The following DGKQ variants were observed in gnomAD, a reference collection of about 807,000 sequenced individuals.
DGKQ encodes the protein DAG kinase theta.
DGKQ carries 97 observed loss-of-function variants against 104.2 expected under a neutral mutation model. That is an observed-to-expected ratio of 0.93 (90% CI 0.79 to 1.10). The LOEUF is 1.10. Among genes scored for constraint, DGKQ ranks in the 50% least tolerant of loss-of-function variants. The pLI, the probability that DGKQ is intolerant of heterozygous loss-of-function variation, is 0.00. For synonymous variants in DGKQ, 736 were observed against 595.2 expected (o/e 1.24, Z -3.44); for missense variants, 1,465 against 1,352.1 (o/e 1.08, Z -1.31).
At position 968,379 on chromosome 4, in the gene DGKQ, C is replaced by G. The variant is rs778262598; in HGVS notation, c.566G>C (p.Gly189Ala). The G allele has an allele frequency of 1.1e-4, 177 of 1,561,484 alleles. No homozygotes were observed. The highest frequency in any genetic ancestry group is 1.5e-4 in the Non-Finnish European group (169 of 1,155,742). ...HDTHHHHWRE[G>A]NLPSGARCEV... ...GCAGCGCGCTCCCGAGGGCAGGTTC[C>G]CCTCCCGCCAGTGGTGGTGATGGGT... Residue 189 changes from glycine to alanine, a missense_variant, in exon 5 of 23, where the codon GGG becomes GCG. Physicochemically the swap from Gly to Ala is moderately conservative, Grantham distance 60 (BLOSUM62 0). Coordinates refer to ENST00000273814, the MANE Select transcript of DGKQ (RefSeq NM_001347.4).
intron 18 of DGKQ, 147 bp downstream of exon 18, chr4:962,288 G>A (rs1711941970): frequency 1.0e-6 from 1 of 974,268 alleles, no homozygotes; most frequent in Non-Finnish European, 1.5e-6. Flanking sequence ...GCTACTTTCT[G>A]TGTCTCCCTC....
intron 2 of DGKQ, among the ~76,000 whole-genome samples, chr4:969,830 C>G: frequency 6.6e-6 from 1 of 152,150 alleles, no homozygotes; most frequent in East Asian, 1.9e-4. Flanking sequence ...CCAGGATGGT[C>G]TCGATCTCCT....
intron 12 of DGKQ, 112 bp from the exon 13 acceptor site, chr4:966,190 G>A (rs1223947754): frequency 2.4e-5 from 28 of 1,171,106 alleles, no homozygotes; most frequent in East Asian, 5.2e-5. Flanking sequence ...ACACTCCCAG[G>A]AATTAAGTCA....
In DGKQ at chr4:967,133, G is replaced by A. The variant is rs1283091565; in HGVS notation, c.1216C>T (p.Leu406Phe). 6 of 1,586,054 alleles carry A rather than the reference G, an allele frequency of 3.8e-6. No individual in the cohort carries two copies. The African/African-American group carries it at 5.4e-5, about 14-fold the overall frequency. The change falls in exon 9 of 23, where the codon CTC becomes TTC. Residue 406 changes from leucine to phenylalanine, a missense_variant. Leu to Phe is a conservative substitution (Grantham distance 22). Transcript: ENST00000273814. ...GAGCCTCGGGCCCAGTCTCACTTGA[G>A]CCAGCCAGGGTAGATCTTCAGGACC... is the stretch of plus-strand genomic sequence containing the variant. ...QEVLKIYPGW[L>F]KVGVAYVSVR...
At chr4:966,303 T>C in intron 12 of DGKQ, 163 bp downstream of exon 12, 1 of 875,858 alleles carries the variant, frequency 1.1e-6, no homozygotes, top group African/African-American at 1.7e-5. Context: ...GAGGCCTCCC[T>C]GCAGGGACCA....
rs765941176 is a variant in DGKQ at position 963,131 on chromosome 4, G to A, written c.1886+8C>T. The A allele has an allele frequency of 2.5e-6, 4 of 1,591,080 alleles. No homozygotes were observed. In the South Asian group the frequency reaches 4.4e-5, roughly 18 times the overall value. The stretch of plus-strand genomic sequence containing the variant: ...GCTGCCCTGGACCAGGGGTCCTGCT[G>A]GACTCACCCGGGAAGAGGACCTCCG... On this transcript the variant is annotated splice_region_variant and intron_variant, in intron 16 of 22. Coordinates refer to ENST00000273814, the MANE Select transcript of DGKQ (RefSeq NM_001347.4).
At chr4:969,439 G>C (rs1434692147) in intron 2 of DGKQ, among the ~76,000 whole-genome samples, 6 of 152,228 alleles carry the variant, frequency 3.9e-5, no homozygotes, top group Admixed American at 2.6e-4. Flanking sequence ...CTGGGCTGTT[G>C]CTTTTCCACG....
rs747667791 is a variant in DGKQ, at chr4:967,866, G to A, written c.811+14C>T. On this transcript the variant is annotated intron_variant, in intron 6 of 22. Coordinates refer to ENST00000273814, the MANE Select transcript of DGKQ (RefSeq NM_001347.4). ...GCCCCCAGCCCAGGGCGCCCCGGCC[G>A]GCCCGCACCTCACCCGGCTCCGCGG... 3 of 1,466,602 alleles carry A rather than the reference G, an allele frequency of 2.0e-6. No individual in the cohort carries two copies. The highest frequency in any genetic ancestry group is 2.6e-5 in the Admixed American group (1 of 38,860). 90.8% of individuals were successfully genotyped at this position (1,466,602 alleles called of 1,614,324 possible). A position where few individuals can be genotyped will look rare whatever the true frequency, so the allele number is the denominator to read the frequency against.
In DGKQ at chr4:968,515, G is replaced by A; in HGVS notation, c.501C>T (p.Asp167=). ...GCCCATCCTGGTGGCACTGGCGGCA[G>A]TCACTGCAGGCGAAGGGCACACAGT... The part of the protein sequence containing the change: ...HPDCVPFACS[D]CRQCHQDGHQ... Residue 167 remains aspartate (D), a synonymous_variant, in exon 4 of 23, where the codon GAC becomes GAT. Coordinates refer to ENST00000273814, the MANE Select transcript of DGKQ (RefSeq NM_001347.4). 4 of 1,609,320 alleles carry A rather than the reference G, an allele frequency of 2.5e-6. No homozygotes were observed. Among genetic ancestry groups the A allele is most frequent in the South Asian group, 2.2e-5 (2 of 90,602 alleles).
Position 967,956 on chromosome 4 carries a change from A to G in DGKQ, c.735T>C (p.Pro245=). Residue 245 remains proline (P), a synonymous_variant, in exon 6 of 23, where the codon CCT becomes CCC. Coordinates refer to ENST00000273814, the MANE Select transcript of DGKQ (RefSeq NM_001347.4). The stretch of plus-strand genomic sequence containing the variant: ...CGGGCAGAAGGCGCACGCACGCGGG[A>G]GGCAGGACCAGGGAGCGCAGACGCC... ...GFGRLRSLVL[P]PACVRLLPGG... 6.7e-7 allele frequency: 1 copy of G among 1,485,954 alleles called. No homozygotes were observed. Among genetic ancestry groups the G allele is most frequent in the Non-Finnish European group, 8.9e-7 (1 of 1,126,254 alleles). The allele number at this position is 1,485,954 out of a possible 1,614,324, so 92.0% of individuals were successfully genotyped here.
Position 967,884 on chromosome 4 carries a change from C to T in DGKQ, c.807G>A (p.Glu269=), listed in dbSNP as rs775919607. The T allele has an allele frequency of 6.2e-6, 9 of 1,451,018 alleles. No individual in the cohort carries two copies. In the African/African-American group the frequency reaches 1.2e-4, roughly 19 times the overall value. The allele number at this position is 1,451,018 out of a possible 1,614,324, so 89.9% of individuals were successfully genotyped here. A position where few individuals can be genotyped will look rare whatever the true frequency, so the allele number is the denominator to read the frequency against. Reference sequence around the variant, plus strand: ...CCCGGCCGGCCCGCACCTCACCCGGCTCCGCGGCCTCCACGATGCGGAAGC... The same window carrying T: ...CCCGGCCGGCCCGCACCTCACCCGGTTCCGCGGCCTCCACGATGCGGAAGC... ...TQSFRIVEAA[E]PGEGGDGADG... The change falls in exon 6 of 23, where the codon GAG becomes GAA. Residue 269 remains glutamate, a synonymous_variant. Coordinates refer to ENST00000273814, the MANE Select transcript of DGKQ (RefSeq NM_001347.4).
chr4:965,793 G>A, intron 13 of DGKQ, 135 bp downstream of exon 13: 1 of 1,049,830 alleles, frequency 9.5e-7, no homozygotes, highest in Non-Finnish European at 1.4e-6. Flanking sequence ...TGGAGGAAGA[G>A]ACGTGGGCTG....
chr4:969,671 G>C (rs932258868), intron 2 of DGKQ, among the ~76,000 whole-genome samples: 2 of 150,598 alleles, frequency 1.3e-5, no homozygotes, highest in Admixed American at 6.6e-5. Context: ...GTGCAGTGGC[G>C]TGATCTCGGC....
chr4:970,465 G>C (rs971951845), intron 2 of DGKQ, among the ~76,000 whole-genome samples: 1 of 152,224 alleles, frequency 6.6e-6, no homozygotes, highest in African/African-American at 2.4e-5. Context: ...AGCCCTTAGA[G>C]GGAGGGTGGT....
rs370448365 is a variant in DGKQ, at chr4:961,492, A to G, written c.2549T>C (p.Val850Ala). ...CATGTGCACGACGCCCGTCACGCCC[A>G]CAACCTCCAGCAGCCCGTCGTCCAT... ...PRMDDGLLEV[V>A]GVTGVVHMGQ... The change falls in exon 21 of 23, where the codon GTG becomes GCG. Residue 850 changes from valine (V) to alanine (A), a missense_variant. By Grantham distance (64) the Val-to-Ala change is moderately conservative. Coordinates refer to ENST00000273814, the MANE Select transcript of DGKQ (RefSeq NM_001347.4). 3.1e-6 allele frequency: 5 copies of G among 1,605,662 alleles called. No homozygotes were observed. Among genetic ancestry groups the G allele is most frequent in the Non-Finnish European group, 4.2e-6 (5 of 1,177,482 alleles).
Position 962,028 on chromosome 4 carries a change from C to A in DGKQ, c.2269G>T (p.Asp757Tyr), listed in dbSNP as rs1560510900. 1.2e-6 allele frequency: 2 copies of A among 1,613,160 alleles called. No homozygotes were observed. Among genetic ancestry groups the A allele is most frequent in the East Asian group, 2.2e-5 (1 of 44,876 alleles). The change falls in exon 19 of 23, where the codon GAC (aspartate) becomes TAC (tyrosine). Residue 757 changes from aspartate (D) to tyrosine (Y), a missense_variant. Physicochemically the swap from Asp to Tyr is radical, Grantham distance 160. Coordinates refer to ENST00000273814, the MANE Select transcript of DGKQ (RefSeq NM_001347.4). The stretch of plus-strand genomic sequence containing the variant: ...TCCTCTTCCCGTGCCTGGTGGAAGT[C>A]CAGGCTCAGCTCCGCGTCGATGCCA... ...GIGIDAELSL[D>Y]FHQAREEEPG...
At position 962,777 on chromosome 4, in the gene DGKQ, C is replaced by T. The variant is rs1284171848; in HGVS notation, c.2030G>A (p.Gly677Asp). The change falls in exon 17 of 23, where the codon GGC (glycine) becomes GAC (aspartate). Residue 677 changes from glycine (G) to aspartate (D), a missense_variant. Gly to Asp is a moderately conservative substitution (Grantham distance 94). Coordinates refer to ENST00000273814, the MANE Select transcript of DGKQ (RefSeq NM_001347.4). ...PEPSVAILPL[G>D]TGNDLGRVLR... ...GGCTGCACGGCTGAGCCCACCTGTGCCCAGGGGCAGGATGGCCACAGAAGG... is the reference window on the plus strand; with the variant it reads ...GGCTGCACGGCTGAGCCCACCTGTGTCCAGGGGCAGGATGGCCACAGAAGG... 1 of 1,605,270 alleles carries T rather than the reference C, an allele frequency of 6.2e-7. No individual in the cohort carries two copies. Among genetic ancestry groups the T allele is most frequent in the Admixed American group, 1.7e-5 (1 of 58,814 alleles).
rs184704010 is a variant in DGKQ, at chr4:970,357, C to T, written c.351+636G>A. Among the ~76,000 whole-genome samples, 44 of 152,342 alleles carry T rather than the reference C, an allele frequency of 2.9e-4. 1 individual carries two copies. The East Asian group carries it at 7.9e-3, about 27-fold the overall frequency. On this transcript the variant is annotated intron_variant, in intron 2 of 22. Coordinates refer to ENST00000273814, the MANE Select transcript of DGKQ (RefSeq NM_001347.4). ...CAGCTGAGGGAGGAATAAGCCTGGC[C>T]CTTCCTACATGTCCCTGCTGTCACC...
chr4:968,372 C>T lies in DGKQ; in HGVS notation c.573G>A (p.Leu191=), dbSNP rs756830346. 8.3e-6 allele frequency: 13 copies of T among 1,561,302 alleles called. No individual in the cohort carries two copies. The highest frequency in any genetic ancestry group is 1.1e-5 in the Non-Finnish European group (13 of 1,155,000). ...THHHHWREGN[L]PSGARCEVCR... ...AGACCTCGCAGCGCGCTCCCGAGGG[C>T]AGGTTCCCCTCCCGCCAGTGGTGGT... The change falls in exon 5 of 23, where the codon CTG becomes CTA. Residue 191 remains leucine (L), a synonymous_variant. Transcript: ENST00000273814.
Sources: gnomAD v4.1 joint callset for allele counts (sites outside exome capture counted in the v4.1 genomes callset) on GRCh38, gnomAD v4.1.1 for gene constraint, MANE v1.5 for transcripts, NCBI Gene and HGNC (gene_info 2026-07-23, HGNC 2026-07-21) for gene names.